Variants in NUP205 observed in about 807,000 individuals in gnomAD.
NUP205 encodes nucleoporin 205.
NUP205 carries 76 observed loss-of-function variants against 253.8 expected under a neutral mutation model. That is an observed-to-expected ratio of 0.30 (90% CI 0.25 to 0.36). The LOEUF (loss-of-function observed/expected upper bound fraction) is 0.36. Ranked by LOEUF, NUP205 falls within the 10% of genes least tolerant of loss-of-function variation. NUP205 has a pLI of 1.00. For synonymous variants in NUP205, 832 were observed against 850.1 expected (o/e 0.98, Z 0.37); for missense variants, 2,162 against 2,425.5 (o/e 0.89, Z 2.28).
intron 7 of NUP205, among the ~76,000 whole-genome samples, chr7:135,583,918 C>T (rs958492841): frequency 4.7e-5 from 7 of 150,536 alleles, no homozygotes; most frequent in African/African-American, 1.2e-4. Context: ...CGTGGCTTAC[C>T]GCAACCTCCG....
Position 135,568,830 on chromosome 7 carries a change from A to T in NUP205, c.29-2275A>T, listed in dbSNP as rs1805860943. Reference sequence around the variant, plus strand: ...CTTTGCTCACACTTGTTCTTGGCTGATGTTTGTTGCCCAGATTTTCCTCAT... The same window carrying T: ...CTTTGCTCACACTTGTTCTTGGCTGTTGTTTGTTGCCCAGATTTTCCTCAT... On this transcript the variant is annotated intron_variant, in intron 1 of 42. Transcript: ENST00000285968. Among the ~76,000 whole-genome samples the T allele has an allele frequency of 1.3e-5, 2 of 152,096 alleles. 1 individual carries two copies. Among genetic ancestry groups the T allele is most frequent in the African/African-American group, 4.8e-5 (2 of 41,418 alleles).
rs773603397 is a variant in NUP205 at position 135,619,495 on chromosome 7, C to T, written c.4036C>T (p.Leu1346=). The T allele has an allele frequency of 1.2e-6, 2 of 1,613,934 alleles. No homozygotes were observed. Among genetic ancestry groups the T allele is most frequent in the Non-Finnish European group, 1.7e-6 (2 of 1,180,048 alleles). ...GGCAGTGTTCACACTGACTGCTCACCTAAGCCAGGCCGTCCTCACTGAACA... is the reference window on the plus strand; with the variant it reads ...GGCAGTGTTCACACTGACTGCTCACTTAAGCCAGGCCGTCCTCACTGAACA... The part of the protein sequence containing the change: ...AGAVFTLTAH[L]SQAVLTEQKE... The change falls in exon 29 of 43, where the codon CTA becomes TTA. Residue 1346 remains leucine, a synonymous_variant. Transcript: ENST00000285968.
At position 135,625,279 on chromosome 7, in the gene NUP205, A is replaced by T. The variant is rs1326593588; in HGVS notation, c.4595A>T (p.Asp1532Val). ...GTCCTCGTAGACAGCTTGGTAGAAG[A>T]TGACCGTACTTTGCAGAGCTTACTC... ...LKVLVDSLVE[D>V]DRTLQSLLTP... is the part of the protein sequence containing the mutation. The change falls in exon 32 of 43, where the codon GAT (aspartate) becomes GTT (valine). Residue 1532 changes from aspartate to valine, a missense_variant. Transcript: ENST00000285968. The T allele has an allele frequency of 5.0e-6, 8 of 1,614,052 alleles. No individual in the cohort carries two copies. The highest frequency in any genetic ancestry group is 1.7e-5 in the Admixed American group (1 of 59,992).
At position 135,635,578 on chromosome 7, in the gene NUP205, T is replaced by C. The variant is rs755431927; in HGVS notation, c.5060-3T>C. ...ATGTTTTAAAGCATTCTACATTTTA[T>C]AGGAATATTAAGTGAACTTGACGTT... On this transcript the variant is annotated splice_polypyrimidine_tract_variant and splice_region_variant and intron_variant, in intron 35 of 42. Transcript: ENST00000285968. The C allele has an allele frequency of 6.2e-5, 93 of 1,508,994 alleles. No individual in the cohort carries two copies. Among genetic ancestry groups the C allele is most frequent in the Non-Finnish European group, 8.3e-5 (91 of 1,091,382 alleles). 93.5% of individuals were successfully genotyped at this position (1,508,994 alleles called of 1,614,324 possible). A position where few individuals can be genotyped will look rare whatever the true frequency, so the allele number is the denominator to read the frequency against.
At chr7:135,608,516 G>A (rs1054131853) in intron 22 of NUP205, among the ~76,000 whole-genome samples, 13 of 151,760 alleles carry the variant, frequency 8.6e-5, no homozygotes, top group Non-Finnish European at 1.8e-4. Flanking sequence ...GAGACCAGCC[G>A]GGGAAACATG....
intron 41 of NUP205, 35 bp downstream of exon 41, chr7:135,645,631 T>C (rs1386172466): frequency 6.3e-7 from 1 of 1,595,594 alleles, no homozygotes; most frequent in African/African-American, 1.4e-5. Flanking sequence ...GAACCATAAA[T>C]ACCTATTTGT....
At chr7:135,640,807 C>T (rs1028106423) in intron 38 of NUP205, among the ~76,000 whole-genome samples, 1 of 152,114 alleles carries the variant, frequency 6.6e-6, no homozygotes, top group African/African-American at 2.4e-5. Context: ...ATTTGTAGTT[C>T]TATTTTATAG....
chr7:135,647,743 TAA>T (rs1563143031), intron 42 of NUP205, among the ~76,000 whole-genome samples: 3 of 152,208 alleles, frequency 2.0e-5, no homozygotes, highest in Non-Finnish European at 4.4e-5. Context: ...AATGCAGGAT[TAA>T]TAAATAATCT....
chr7:135,621,128 G>A (rs935308825), intron 30 of NUP205, among the ~76,000 whole-genome samples: 9 of 152,184 alleles, frequency 5.9e-5, no homozygotes, highest in African/African-American at 9.7e-5. Flanking sequence ...CACTGTGTAC[G>A]TAAGGTTGAC....
At position 135,604,365 on chromosome 7, in the gene NUP205, C is replaced by T. The variant is rs751544131; in HGVS notation, c.2728C>T (p.Pro910Ser). ...ATACCTATATCATGGCAATACTAATCCAGAATTGGCTTTTGAAAGTGCCAA... is the reference window on the plus strand; with the variant it reads ...ATACCTATATCATGGCAATACTAATTCAGAATTGGCTTTTGAAAGTGCCAA... Reference protein sequence around the residue: ...ARYLYHGNTNPELAFESAKIL... With the variant: ...ARYLYHGNTNSELAFESAKIL... The change falls in exon 19 of 43, where the codon CCA (proline) becomes TCA (serine). Residue 910 changes from proline to serine, a missense_variant. Transcript: ENST00000285968. 7 of 1,611,644 alleles carry T rather than the reference C, an allele frequency of 4.3e-6. No individual in the cohort carries two copies. The South Asian group carries it at 4.4e-5, about 10-fold the overall frequency.
Position 135,648,536 on chromosome 7 carries a change from T to C in NUP205, c.6019T>C (p.Leu2007=). The C allele has an allele frequency of 6.3e-7, 1 of 1,579,174 alleles. No homozygotes were observed. The highest frequency in any genetic ancestry group is 8.6e-7 in the Non-Finnish European group (1 of 1,167,362). Residue 2007 remains leucine, a synonymous_variant, in exon 43 of 43, where the codon TTG becomes CTG. Transcript: ENST00000285968. ...QALVRRIRGL[L]RISRN Reference sequence around the variant, plus strand: ...TCTTGTCAGACGTATCCGTGGCCTCTTGAGGATATCAAGGAACTGAGAGCC... The same window carrying C: ...TCTTGTCAGACGTATCCGTGGCCTCCTGAGGATATCAAGGAACTGAGAGCC...
chr7:135,583,847 T>TC (rs199654443), intron 7 of NUP205, among the ~76,000 whole-genome samples: 1 of 132,996 alleles, frequency 7.5e-6, no homozygotes, highest in African/African-American at 2.9e-5. Context: ...TTTCTTTCTT[T>TC]TTTTTTTTTT....
intron 4 of NUP205, 140 bp from the exon 5 acceptor site, chr7:135,576,829 C>A: frequency 1.4e-6 from 1 of 727,606 alleles, no homozygotes; most frequent in Non-Finnish European, 2.2e-6. Context: ...CTGCAGTGAG[C>A]CATGATCACG....
chr7:135,645,369 T>C (rs1794986553), intron 40 of NUP205, 99 bp from the exon 41 acceptor site: 2 of 1,242,174 alleles, frequency 1.6e-6, no homozygotes, highest in Non-Finnish European at 2.3e-6. Flanking sequence ...GGGTACCTCA[T>C]TAAGTGAGTG....
chr7:135,584,340 C>T (rs1438447547), intron 7 of NUP205, among the ~76,000 whole-genome samples: 3 of 152,038 alleles, frequency 2.0e-5, no homozygotes, highest in Admixed American at 6.6e-5. Context: ...AAAAAAATTA[C>T]AGTTAGACAA....
intron 22 of NUP205, among the ~76,000 whole-genome samples, chr7:135,612,143 C>A (rs567466052): frequency 6.6e-6 from 1 of 151,922 alleles, no homozygotes; most frequent in Non-Finnish European, 1.5e-5. Context: ...GAAAAAAAAA[C>A]AGAATATATT....
At chr7:135,565,648 T>G (rs1406578849) in intron 1 of NUP205, among the ~76,000 whole-genome samples, 1 of 152,130 alleles carries the variant, frequency 6.6e-6, no homozygotes, top group Non-Finnish European at 1.5e-5. Context: ...ATCAGGCTGG[T>G]CTCGAACTCC....
At chr7:135,638,721 G>A in intron 38 of NUP205, 38 bp downstream of exon 38, 1 of 1,612,826 alleles carries the variant, frequency 6.2e-7, no homozygotes, top group Non-Finnish European at 8.5e-7. Context: ...AAGGAACTAA[G>A]TTGCTATGGT....
In NUP205 at chr7:135,576,970, C is replaced by G; in HGVS notation, c.490C>G (p.Pro164Ala). Residue 164 changes from proline (P) to alanine (A), a missense_variant and splice_region_variant, in exon 5 of 43, where the codon CCA becomes GCA. Transcript: ENST00000285968. The part of the protein sequence containing the change: ...RGKTWTLELS[P>A]ELASMTTRFT... ...TTTATTGATTTCTTTTCATTACAGT[C>G]CAGAGCTGGCTTCCATGACAACACG... 4 of 1,611,716 alleles carry G rather than the reference C, an allele frequency of 2.5e-6. No individual in the cohort carries two copies. The highest frequency in any genetic ancestry group is 2.5e-6 in the Non-Finnish European group (3 of 1,179,220).
Sources: allele counts gnomAD v4.1 joint callset (sites outside exome capture counted in the v4.1 genomes callset), GRCh38; gene constraint gnomAD v4.1.1; transcripts MANE v1.5; gene names NCBI Gene and HGNC (gene_info 2026-07-23, HGNC 2026-07-21).